CPOX: variants seen among roughly 807,000 people sequenced by gnomAD.
The protein encoded by CPOX is oxygen-dependent coproporphyrinogen-III oxidase, mitochondrial.
In CPOX, 24 loss-of-function variants were observed where a neutral mutation model predicts 48.9. That is an observed-to-expected ratio of 0.49 (90% CI 0.36 to 0.69). The LOEUF (loss-of-function observed/expected upper bound fraction) is 0.69. CPOX is among the 30% of genes least tolerant of loss of function. The probability of loss-of-function intolerance (pLI) is 0.00; values close to 1 mark genes in which losing one functional copy is unlikely to be tolerated. For missense variants in CPOX, 549 were observed against 597.3 expected (o/e 0.92, Z 0.84); for synonymous variants, 249 against 234.6 (o/e 1.06, Z -0.56).
intron 4 of CPOX, among the ~76,000 whole-genome samples, chr3:98,586,938 C>T (rs941747600): frequency 1.7e-4 from 26 of 151,502 alleles, no homozygotes; most frequent in African/African-American, 6.1e-4. Context: ...AGTGAGACTC[C>T]ATCTCAAAAA....
chr3:98,573,454 TCTC>T, the CPOX span, among the ~76,000 whole-genome samples: 4 of 152,178 alleles, frequency 2.6e-5, no homozygotes, highest in South Asian at 2.1e-4. Context: ...CTTCTTTGCC[TCTC>T]CTCTTTTTCT....
intron 4 of CPOX, among the ~76,000 whole-genome samples, chr3:98,586,338 G>A (rs1707363311): frequency 6.6e-6 from 1 of 152,178 alleles, no homozygotes; most frequent in Admixed American, 6.5e-5. Context: ...TAGGAGGCAG[G>A]AGGACAGGAA....
the CPOX span, among the ~76,000 whole-genome samples, chr3:98,571,331 CTTGA>C: frequency 6.6e-6 from 1 of 152,062 alleles, no homozygotes; most frequent in South Asian, 2.1e-4. Flanking sequence ...TGTAAAATTT[CTTGA>C]TTGAGAAATA....
Position 98,593,429 on chromosome 3 carries a change from C to G in CPOX, c.76G>C (p.Ala26Pro), listed in dbSNP as rs900391289. ...CCTCCGCCGCCGCACTGGGACCAGG[C>G]GCGGGGCCCTCCGCAGCCGCCCCGC... ...VARGGCGGPR[A>P]WSQCGGGGLR... Residue 26 changes from alanine to proline, a missense_variant, in exon 1 of 7, where the codon GCC (alanine) becomes CCC (proline). Physicochemically the swap from Ala to Pro is conservative, Grantham distance 27. This residue lies in a region of CPOX where 336 missense variants were observed against 318.1 expected (regional missense o/e 1.06). Coordinates refer to ENST00000647941, the MANE Select transcript of CPOX (RefSeq NM_000097.7). The G allele has an allele frequency of 2.0e-6, 3 of 1,480,524 alleles. No individual in the cohort carries two copies. The highest frequency in any genetic ancestry group is 2.4e-4 in the Middle Eastern group (1 of 4,240). 91.7% of individuals were successfully genotyped at this position (1,480,524 alleles called of 1,614,324 possible). A position where few individuals can be genotyped will look rare whatever the true frequency, so the allele number is the denominator to read the frequency against.
downstream of CPOX, among the ~76,000 whole-genome samples, chr3:98,575,387 T>A (rs541758321): frequency 6.6e-6 from 1 of 152,230 alleles, no homozygotes; most frequent in Non-Finnish European, 1.5e-5. Context: ...TTATTGAAAA[T>A]ACTGTTTGAA....
chr3:98,592,871 A>G, intron 1 of CPOX, 78 bp downstream of exon 1: 1 of 1,461,658 alleles, frequency 6.8e-7, no homozygotes, highest in East Asian at 2.5e-5. Context: ...ATTGTGAACT[A>G]TTATATTTTC....
chr3:98,589,894 G>A (rs371370928), intron 3 of CPOX: 2 of 154,130 alleles, frequency 1.3e-5, no homozygotes, highest in East Asian at 1.9e-4. Context: ...GTGCACAGGA[G>A]GCATGATCAA....
downstream of CPOX, among the ~76,000 whole-genome samples, chr3:98,574,612 C>T (rs1040429204): frequency 3.9e-5 from 6 of 152,302 alleles, no homozygotes; most frequent in South Asian, 4.2e-4. Context: ...GACAGAGTTT[C>T]GCGCCGTCGC....
rs1056237217 is a variant in CPOX at position 98,593,109 on chromosome 3, G to A, written c.396C>T (p.Ala132=). 1.1e-5 allele frequency: 17 copies of A among 1,613,654 alleles called. No individual in the cohort carries two copies. The highest frequency in any genetic ancestry group is 1.4e-5 in the Non-Finnish European group (17 of 1,179,950). ...ELAHRCSSFM[A]PPVTDLGELR... The stretch of plus-strand genomic sequence containing the variant: ...GCTCGCCCAGGTCGGTCACAGGCGG[G>A]GCCATGAAGCTGCTGCAGCGGTGGG... The change falls in exon 1 of 7, where the codon GCC becomes GCT. Residue 132 remains alanine, a synonymous_variant. Transcript: ENST00000647941.
At chr3:98,571,820 A>C in the CPOX span, among the ~76,000 whole-genome samples, 56 of 152,260 alleles carry the variant, frequency 3.7e-4, no homozygotes, top group Middle Eastern at 3.4e-3. Context: ...TCTTTGATCC[A>C]AGACTGGGCT....
At position 98,579,786 on chromosome 3, in the gene CPOX, T is replaced by C. The variant is rs928819758; in HGVS notation, c.*897A>G. ...GTATGAAATGCCTCCAAGTTTCTCA[T>C]ACTATATATACTTGCTTTAAAGAAG... is the stretch of plus-strand genomic sequence containing the variant. On this transcript the variant is annotated 3_prime_UTR_variant, in exon 7 of 7. Transcript: ENST00000647941. 1.6e-5 allele frequency: 16 copies of C among 985,032 alleles called. No homozygotes were observed. In the African/African-American group the frequency reaches 2.8e-4, roughly 17 times the overall value. The allele number at this position is 985,032 out of a possible 1,614,324, so 61.0% of individuals were successfully genotyped here.
chr3:98,590,449 C>A (rs1707457107), intron 3 of CPOX, 183 bp downstream of exon 3: 1 of 655,852 alleles, frequency 1.5e-6, no homozygotes, highest in Non-Finnish European at 2.8e-6. Context: ...AAGCCTGGCC[C>A]CATTCTTACT....
intron 2 of CPOX, 116 bp downstream of exon 2, chr3:98,590,896 C>T (rs545282766): frequency 1.5e-5 from 19 of 1,295,428 alleles, no homozygotes; most frequent in Admixed American, 3.6e-5. Flanking sequence ...TGTCAACGTG[C>T]GGCATATGAA....
rs146214523 is a variant in CPOX at position 98,580,456 on chromosome 3, C to T, written c.*227G>A. 2.6e-3 allele frequency: 3,531 copies of T among 1,368,626 alleles called. 8 individuals carry two copies. Among genetic ancestry groups the T allele is most frequent in the African/African-American group, 6.6e-3 (453 of 68,386 alleles). The allele number at this position is 1,368,626 out of a possible 1,614,324, so 84.8% of individuals were successfully genotyped here. ...TTTGTAAACTAGTCATATAAAATGA[C>T]ACTAGAAGTATAAATGAGGTTTAAT... On this transcript the variant is annotated 3_prime_UTR_variant, in exon 7 of 7. Coordinates refer to ENST00000647941, the MANE Select transcript of CPOX (RefSeq NM_000097.7).
chr3:98,575,532 C>G (rs563844864), downstream of CPOX, among the ~76,000 whole-genome samples: 1 of 152,326 alleles, frequency 6.6e-6, no homozygotes, highest in East Asian at 1.9e-4. Flanking sequence ...GTGGCTCATG[C>G]CTGTAATCCC....
downstream of CPOX, chr3:98,579,404 G>A (rs966117303): frequency 6.6e-5 from 43 of 649,048 alleles, no homozygotes; most frequent in East Asian, 1.4e-4. Flanking sequence ...AAATATATGC[G>A]TTTTCCTATA....
intron 3 of CPOX, 132 bp downstream of exon 3, chr3:98,590,500 T>C (rs1707457777): frequency 1.4e-6 from 1 of 725,070 alleles, no homozygotes; most frequent in Non-Finnish European, 2.5e-6. Context: ...TGCCAAGAAA[T>C]TGCCTTTACA....
chr3:98,583,774 C>G (rs138000159), intron 5 of CPOX, among the ~76,000 whole-genome samples: 255 of 152,182 alleles, frequency 1.7e-3, no homozygotes, highest in African/African-American at 5.7e-3. Context: ...AAGTGGGTAA[C>G]AGTAAGTGAA....
At chr3:98,584,164 G>A (rs540486593) in intron 5 of CPOX, among the ~76,000 whole-genome samples, 5 of 152,236 alleles carry the variant, frequency 3.3e-5, no homozygotes, top group South Asian at 4.2e-4. Flanking sequence ...TTTTGCCTTC[G>A]AAATCTTGTG....
Sources: allele counts gnomAD v4.1 joint callset (sites outside exome capture counted in the v4.1 genomes callset), GRCh38; gene constraint gnomAD v4.1.1; regional missense constraint gnomAD v4.1.1; transcripts MANE v1.5; gene names NCBI Gene and HGNC (gene_info 2026-07-23, HGNC 2026-07-21).